The following CDH13 variants were observed in gnomAD, a reference collection of about 807,000 sequenced individuals.
CDH13 encodes the protein cadherin 13, also known as cadherin-13.
In CDH13, 24 loss-of-function variants were observed where a neutral mutation model predicts 63.8. The observed-to-expected ratio is 0.38, with a 90% CI of 0.27 to 0.53. The LOEUF (loss-of-function observed/expected upper bound fraction) is 0.53. Ranked by LOEUF, CDH13 falls within the 20% of genes least tolerant of loss-of-function variation. CDH13 has a pLI of 0.85. For missense variants in CDH13, 1,049 were observed against 903.1 expected (o/e 1.16, Z -2.07); for synonymous variants, 503 against 355.3 (o/e 1.42, Z -4.67).
intron 5 of CDH13, among the ~76,000 whole-genome samples, chr16:83,252,822 C>T (rs1304586245): frequency 5.9e-5 from 9 of 152,030 alleles, no homozygotes; most frequent in African/African-American, 1.4e-4. Context: ...AATTTCCTAG[C>T]CCCAAAAATC....
intron 2 of CDH13, among the ~76,000 whole-genome samples, chr16:82,920,254 A>C (rs938099906): frequency 2.6e-5 from 4 of 152,108 alleles, no homozygotes; most frequent in African/African-American, 9.7e-5. Context: ...CCCCTTCCCA[A>C]ACCTCTTACA....
chr16:82,822,726 C>G (rs918645451), intron 1 of CDH13, among the ~76,000 whole-genome samples: 1 of 152,234 alleles, frequency 6.6e-6, no homozygotes, highest in Non-Finnish European at 1.5e-5. Flanking sequence ...AACTTCTGGG[C>G]TCAAGCCATC....
At chr16:82,927,553 A>G (rs1046637734) in intron 2 of CDH13, among the ~76,000 whole-genome samples, 1 of 151,938 alleles carries the variant, frequency 6.6e-6, no homozygotes, top group African/African-American at 2.4e-5. Flanking sequence ...TCCTATAACT[A>G]TTTTTCTTCT....
At chr16:82,795,878 G>C (rs554673916) in intron 1 of CDH13, among the ~76,000 whole-genome samples, 53 of 151,810 alleles carry the variant, frequency 3.5e-4, no homozygotes, top group African/African-American at 1.2e-3. Flanking sequence ...CATAGGCATT[G>C]TGGGACCCCA....
chr16:83,272,567 G>A (rs1168041942), intron 5 of CDH13, among the ~76,000 whole-genome samples: 1 of 152,102 alleles, frequency 6.6e-6, no homozygotes, highest in South Asian at 2.1e-4. Context: ...GTTGCAGTCC[G>A]GGGCTCATCA....
At chr16:82,744,173 C>G (rs1447039185) in intron 1 of CDH13, among the ~76,000 whole-genome samples, 1 of 152,194 alleles carries the variant, frequency 6.6e-6, no homozygotes, top group Non-Finnish European at 1.5e-5. Flanking sequence ...GGATGGCAGC[C>G]TCTGCCAGCA....
chr16:83,089,748 G>A (rs897776296), intron 3 of CDH13, among the ~76,000 whole-genome samples: 3 of 152,192 alleles, frequency 2.0e-5, no homozygotes, highest in African/African-American at 7.2e-5. Flanking sequence ...GCTACACGTC[G>A]GAAATGGGAT....
intron 1 of CDH13, among the ~76,000 whole-genome samples, chr16:82,818,101 C>T (rs1276851623): frequency 4.2e-5 from 6 of 144,484 alleles, no homozygotes; most frequent in Admixed American, 1.4e-4. Context: ...TGTATTCACT[C>T]ATACATGTAT....
chr16:82,677,250 T>G (rs1255788136), intron 1 of CDH13, among the ~76,000 whole-genome samples: 1 of 152,210 alleles, frequency 6.6e-6, no homozygotes, highest in African/African-American at 2.4e-5. Flanking sequence ...TCCTTTGTAT[T>G]TCAGGTCTAT....
intron 9 of CDH13, among the ~76,000 whole-genome samples, chr16:83,677,182 A>T (rs1434318190): frequency 6.6e-5 from 10 of 152,162 alleles, no homozygotes; most frequent in Non-Finnish European, 1.5e-4. Context: ...CCACCACATC[A>T]TGTGCTCTCG....
chr16:83,086,261 G>T (rs763578297), intron 3 of CDH13, among the ~76,000 whole-genome samples: 2 of 152,186 alleles, frequency 1.3e-5, no homozygotes, highest in Non-Finnish European at 2.9e-5. Context: ...AGCAAACTCA[G>T]AAAAATATTA....
intron 4 of CDH13, among the ~76,000 whole-genome samples, chr16:83,184,726 G>T (rs952109962): frequency 6.6e-6 from 1 of 152,160 alleles, no homozygotes; most frequent in Admixed American, 6.5e-5. Context: ...TTGCACTCCA[G>T]CCTGAGCAAC....
In CDH13 at chr16:82,872,897, A is replaced by G. The variant is rs556186739; in HGVS notation, c.157+14424A>G. Among the ~76,000 whole-genome samples the G allele has an allele frequency of 4.5e-4, 69 of 152,350 alleles. 1 individual carries two copies. The highest frequency in any genetic ancestry group is 1.6e-3 in the African/African-American group (65 of 41,578). ...TATAAGGGATAAAGCTTTGAATCAG[A>G]TAAAAAATGTGCCTCCTGCTGTGGA... On this transcript the variant is annotated intron_variant, in intron 2 of 13. Transcript: ENST00000567109.
chr16:83,626,435 G>T (rs1910312503), intron 8 of CDH13, among the ~76,000 whole-genome samples: 1 of 152,148 alleles, frequency 6.6e-6, no homozygotes, highest in African/African-American at 2.4e-5. Flanking sequence ...CATTCTGCAG[G>T]CGTTAATGAA....
At chr16:82,940,326 A>G (rs547298366) in intron 2 of CDH13, among the ~76,000 whole-genome samples, 2 of 152,188 alleles carry the variant, frequency 1.3e-5, no homozygotes, top group East Asian at 1.9e-4. Context: ...TAAAATGGAG[A>G]CGGCAAAAAT....
chr16:83,106,519 C>T (rs760035634), intron 3 of CDH13, among the ~76,000 whole-genome samples: 33 of 152,022 alleles, frequency 2.2e-4, no homozygotes, highest in Non-Finnish European at 3.8e-4. Context: ...CCAGCCTGGG[C>T]GACAAGGCGA....
intron 3 of CDH13, among the ~76,000 whole-genome samples, chr16:83,112,705 AG>A (rs1445870442): frequency 2.0e-5 from 3 of 152,230 alleles, no homozygotes; most frequent in South Asian, 2.1e-4. Context: ...TTAGTCAAAA[AG>A]CATGAACACT....
intron 1 of CDH13, among the ~76,000 whole-genome samples, chr16:82,808,447 A>C (rs1664308144): frequency 6.6e-6 from 1 of 152,164 alleles, no homozygotes; most frequent in Admixed American, 6.6e-5. Context: ...TTCAGAGCTG[A>C]ATCCTTATAG....
chr16:83,293,233 C>G (rs551760897), intron 5 of CDH13, among the ~76,000 whole-genome samples: 1 of 152,192 alleles, frequency 6.6e-6, no homozygotes, highest in African/African-American at 2.4e-5. Context: ...AGAGACTGGT[C>G]TGGCAGTAAA....
Sources: gnomAD v4.1 joint callset for allele counts (sites outside exome capture counted in the v4.1 genomes callset) on GRCh38, gnomAD v4.1.1 for gene constraint, MANE v1.5 for transcripts, NCBI Gene and HGNC (gene_info 2026-07-23, HGNC 2026-07-21) for gene names.